LRBA: variants seen among roughly 807,000 people sequenced by gnomAD.
The protein encoded by LRBA is lipopolysaccharide-responsive and beige-like anchor protein.
Under a neutral mutation model 330.0 loss-of-function variants are expected in LRBA, and 176 were observed. The observed-to-expected ratio is 0.53, with a 90% CI of 0.47 to 0.60. LRBA has a LOEUF of 0.60. Ranked by LOEUF, LRBA falls within the 20% of genes least tolerant of loss-of-function variation. The pLI is 0.00. For missense variants in LRBA, 3,259 were observed against 3,444.8 expected (o/e 0.95, Z 1.35); for synonymous variants, 1,230 against 1,193.0 (o/e 1.03, Z -0.64).
intron 34 of LRBA, among the ~76,000 whole-genome samples, chr4:150,775,804 T>C (rs1420640541): frequency 1.2e-4 from 1 of 8,178 alleles, no homozygotes; most frequent in Non-Finnish European, 2.9e-4. Flanking sequence ...CAAGAAAGAA[T>C]GAAAAAAAAA....
intron 40 of LRBA, among the ~76,000 whole-genome samples, chr4:150,521,582 T>C (rs1762928655): frequency 6.6e-6 from 1 of 152,198 alleles, no homozygotes; most frequent in African/African-American, 2.4e-5. Context: ...TGTTAAATAC[T>C]TCCTAATGTC....
intron 16 of LRBA, among the ~76,000 whole-genome samples, chr4:150,894,631 T>C (rs1201214): frequency 0.1 from 15,413 of 152,188 alleles, 1,107 homozygotes; most frequent in South Asian, 0.3. Context: ...TTTGGAATTT[T>C]TGCTGTGGAA....
At chr4:150,895,547 C>T (rs1208600270) in intron 16 of LRBA, among the ~76,000 whole-genome samples, 2 of 151,928 alleles carry the variant, frequency 1.3e-5, no homozygotes, top group Non-Finnish European at 2.9e-5. Context: ...GGTTTTTTGT[C>T]CTTGCAATAG....
chr4:150,535,218 C>T lies in LRBA; in HGVS notation c.6331-44183G>A, dbSNP rs979014730. Among the ~76,000 whole-genome samples the T allele has an allele frequency of 4.6e-5, 7 of 150,734 alleles. No individual in the cohort carries two copies. The South Asian group carries it at 1.5e-3, about 31-fold the overall frequency. On this transcript the variant is annotated intron_variant, in intron 40 of 56. Coordinates refer to ENST00000651943, the MANE Select transcript of LRBA (RefSeq NM_001364905.1). ...GTGCAAGCCTTGCTCACTGAAGCCT[C>T]GAACTCTGGGGCTCAAGTGATACTC...
At chr4:151,002,040 C>T (rs1743410114) in intron 2 of LRBA, among the ~76,000 whole-genome samples, 2 of 151,898 alleles carry the variant, frequency 1.3e-5, no homozygotes, top group African/African-American at 4.8e-5. Flanking sequence ...CACACAGACC[C>T]AGAATCAAAG....
intron 46 of LRBA, among the ~76,000 whole-genome samples, chr4:150,418,674 G>C (rs1236025509): frequency 6.6e-6 from 1 of 152,180 alleles, no homozygotes; most frequent in African/African-American, 2.4e-5. Flanking sequence ...ATCAAGATAT[G>C]TATTTGTGTT....
chr4:150,325,146 G>A (rs542507089), intron 49 of LRBA, among the ~76,000 whole-genome samples: 2 of 152,072 alleles, frequency 1.3e-5, no homozygotes, highest in Non-Finnish European at 2.9e-5. Flanking sequence ...CCATGGGAGC[G>A]GCCTGGTCTA....
intron 40 of LRBA, among the ~76,000 whole-genome samples, chr4:150,558,640 A>G (rs1337894805): frequency 6.6e-6 from 1 of 152,194 alleles, no homozygotes; most frequent in Non-Finnish European, 1.5e-5. Context: ...GGAGCATGGT[A>G]TTAGAAACTA....
intron 38 of LRBA, among the ~76,000 whole-genome samples, chr4:150,595,227 CT>C (rs1773359104): frequency 7.6e-5 from 2 of 26,476 alleles, no homozygotes; most frequent in East Asian, 5.4e-3. Flanking sequence ...AAAACTGACT[CT>C]GTAAAAATTA....
chr4:150,839,012 C>A (rs1471077297), intron 28 of LRBA, among the ~76,000 whole-genome samples: 1 of 152,180 alleles, frequency 6.6e-6, no homozygotes, highest in Non-Finnish European at 1.5e-5. Flanking sequence ...GGCTAATATC[C>A]AGAATCTACA....
At chr4:150,840,994 G>T in intron 28 of LRBA, 1 of 1,254,128 alleles carries the variant, frequency 8.0e-7, no homozygotes, top group Admixed American at 2.5e-5. Flanking sequence ...ACATATTTGT[G>T]ATCCGTGATC....
At chr4:150,782,842 T>C (rs950059199) in intron 34 of LRBA, among the ~76,000 whole-genome samples, 1 of 152,108 alleles carries the variant, frequency 6.6e-6, no homozygotes, top group Admixed American at 6.5e-5. Context: ...AAGTGAACCT[T>C]ACCAGCAAGT....
Position 150,956,093 on chromosome 4 carries a change from TCAA to T in LRBA, c.217-27031_217-27029del, listed in dbSNP as rs1166979455. 6.0e-5 allele frequency among the ~76,000 whole-genome samples: 9 copies of T among 149,018 alleles called. 1 individual carries two copies. The highest frequency in any genetic ancestry group is 1.9e-4 in the East Asian group (1 of 5,192). On this transcript the variant is annotated intron_variant, in intron 2 of 56. Transcript: ENST00000651943. ...AATACAACCTGGCTTCTTTGGTCCT[TCAA>T]CAACAACAACAAAAAAATGAAATTG...
intron 17 of LRBA, among the ~76,000 whole-genome samples, chr4:150,885,331 G>A (rs1418475158): frequency 6.6e-6 from 1 of 152,024 alleles, no homozygotes; most frequent in East Asian, 1.9e-4. Context: ...GTAACAAAGT[G>A]AGTCACCACT....
chr4:150,347,618 C>T (rs1278644267), intron 48 of LRBA, among the ~76,000 whole-genome samples: 1 of 148,148 alleles, frequency 6.8e-6, no homozygotes, highest in Non-Finnish European at 1.5e-5. Flanking sequence ...TGCACTCCAG[C>T]CTGGGTGAAA....
At chr4:150,726,111 C>G (rs1185689164) in intron 36 of LRBA, among the ~76,000 whole-genome samples, 1 of 151,842 alleles carries the variant, frequency 6.6e-6, no homozygotes, top group Non-Finnish European at 1.5e-5. Context: ...AACCAGAAAG[C>G]AAATAACAAA....
In LRBA at chr4:150,928,915, G is replaced by C; in HGVS notation, c.367C>G (p.Arg123Gly). The C allele has an allele frequency of 6.2e-7, 1 of 1,613,934 alleles. No individual in the cohort carries two copies. The highest frequency in any genetic ancestry group is 8.5e-7 in the Non-Finnish European group (1 of 1,179,964). Residue 123 changes from arginine to glycine, a missense_variant, in exon 3 of 57, where the codon CGG becomes GGG. Transcript: ENST00000651943. ...MFTAILKKSIRNLQVCTEVGL... is the reference protein window; with the variant it reads ...MFTAILKKSIGNLQVCTEVGL... ...ACTTCAGTGCAGACTTGAAGATTCC[G>C]TATGCTTTTCTTCAGAATGGCTGTA...
At position 150,980,976 on chromosome 4, in the gene LRBA, G is replaced by A. The variant is rs539007031; in HGVS notation, c.216+33451C>T. Among the ~76,000 whole-genome samples, 63 of 151,864 alleles carry A rather than the reference G, an allele frequency of 4.1e-4. 1 individual carries two copies. In the South Asian group the frequency reaches 5.4e-3, roughly 13 times the overall value. On this transcript the variant is annotated intron_variant, in intron 2 of 56. Coordinates refer to ENST00000651943, the MANE Select transcript of LRBA (RefSeq NM_001364905.1). Reference sequence around the variant, plus strand: ...AATACTGGTGAAAAAAAGTGAAGAGGACACCAAAAAATGGAAAGATATTCC... The same window carrying A: ...AATACTGGTGAAAAAAAGTGAAGAGAACACCAAAAAATGGAAAGATATTCC...
At chr4:150,318,388 T>C (rs1732008459) in intron 50 of LRBA, among the ~76,000 whole-genome samples, 1 of 152,156 alleles carries the variant, frequency 6.6e-6, no homozygotes, top group Non-Finnish European at 1.5e-5. Context: ...GGGAACCAGC[T>C]GTCTAATGAA....
Sources: allele counts gnomAD v4.1 joint callset (sites outside exome capture counted in the v4.1 genomes callset), GRCh38; gene constraint gnomAD v4.1.1; transcripts MANE v1.5; gene names NCBI Gene and HGNC (gene_info 2026-07-23, HGNC 2026-07-21).